ARNT: variants seen among roughly 807,000 people sequenced by gnomAD.
The protein encoded by ARNT is aryl hydrocarbon receptor nuclear translocator.
In ARNT, 30 loss-of-function variants were observed where a neutral mutation model predicts 105.0. The observed-to-expected ratio is 0.29, with a 90% CI of 0.21 to 0.39. The LOEUF (loss-of-function observed/expected upper bound fraction) is 0.39, where lower values mean the gene tolerates loss of function less well. Among genes scored for constraint, ARNT ranks in the 10% least tolerant of loss-of-function variants. ARNT has a pLI of 1.00. For synonymous variants in ARNT, 304 were observed against 344.0 expected (o/e 0.88, Z 1.29); for missense variants, 748 against 978.7 (o/e 0.76, Z 3.15).
intron 14 of ARNT, among the ~76,000 whole-genome samples, chr1:150,818,919 G>C (rs1656507181): frequency 6.6e-6 from 1 of 152,054 alleles, no homozygotes; most frequent in Non-Finnish European, 1.5e-5. Context: ...GAAGGCTGTT[G>C]TGTAATATAA....
At chr1:150,824,205 TG>T (rs1412606615) in intron 13 of ARNT, among the ~76,000 whole-genome samples, 1 of 151,328 alleles carries the variant, frequency 6.6e-6, no homozygotes, top group Non-Finnish European at 1.5e-5. Flanking sequence ...TTTAAAAAAA[TG>T]GCAAAAAATC....
intron 1 of ARNT, among the ~76,000 whole-genome samples, chr1:150,873,808 T>C (rs140594843): frequency 3.4e-4 from 51 of 152,030 alleles, no homozygotes; most frequent in African/African-American, 9.9e-4. Context: ...TAGACCCAGA[T>C]ACTCAGGAGG....
At chr1:150,821,337 C>G (rs1189289088) in intron 14 of ARNT, among the ~76,000 whole-genome samples, 1 of 152,166 alleles carries the variant, frequency 6.6e-6, no homozygotes, top group Admixed American at 6.5e-5. Flanking sequence ...AAATGTTATT[C>G]AAGGTTTCAG....
At chr1:150,876,471 C>T (rs1310729560) in intron 1 of ARNT, 72 bp downstream of exon 1, 1 of 1,542,154 alleles carries the variant, frequency 6.5e-7, no homozygotes, top group African/African-American at 1.4e-5. Context: ...TCCCCTCAGC[C>T]CTGGGTCTCC....
rs145655563 is a variant in ARNT at position 150,838,269 on chromosome 1, C to T, written c.486+1172G>A. ...CAAGTGCTTCCCAAAATCCACAACA[C>T]TACTCCCCAACTCATTTTCCATATC... On this transcript the variant is annotated intron_variant, in intron 6 of 21. Transcript: ENST00000358595. Among the ~76,000 whole-genome samples, 3 of 152,296 alleles carry T rather than the reference C, an allele frequency of 2.0e-5. No individual in the cohort carries two copies. The East Asian group carries it at 5.8e-4, about 29-fold the overall frequency.
intron 1 of ARNT, among the ~76,000 whole-genome samples, chr1:150,862,834 C>T (rs943202146): frequency 6.6e-6 from 1 of 151,440 alleles, no homozygotes; most frequent in Non-Finnish European, 1.5e-5. Context: ...AGGCAGATCA[C>T]GACATCAGGA....
chr1:150,820,967 G>A (rs1002806235), intron 14 of ARNT, among the ~76,000 whole-genome samples: 1 of 152,150 alleles, frequency 6.6e-6, no homozygotes, highest in Non-Finnish European at 1.5e-5. Flanking sequence ...ACTACTAATA[G>A]CCTACTGTTG....
At chr1:150,842,494 C>G (rs769042801) in intron 4 of ARNT, 26 bp from the exon 5 acceptor site, 15 of 1,402,366 alleles carry the variant, frequency 1.1e-5, no homozygotes, top group South Asian at 5.6e-5. Flanking sequence ...ATGAACTAAG[C>G]TAAAATTAAA....
At chr1:150,836,855 A>G (rs1660420864) in intron 6 of ARNT, among the ~76,000 whole-genome samples, 1 of 152,122 alleles carries the variant, frequency 6.6e-6, no homozygotes, top group Admixed American at 6.5e-5. Context: ...AGCCTAGGCA[A>G]TGGGGCGAAA....
At chr1:150,873,092 G>A (rs189557391) in intron 1 of ARNT, among the ~76,000 whole-genome samples, 9 of 152,026 alleles carry the variant, frequency 5.9e-5, no homozygotes, top group African/African-American at 2.2e-4. Flanking sequence ...AGACCACCCT[G>A]GCTAACAGGG....
intron 2 of ARNT, chr1:150,853,360 A>G: frequency 3.9e-6 from 1 of 255,676 alleles, no homozygotes; most frequent in Non-Finnish European, 8.1e-6. Flanking sequence ...AGTAGCAGTC[A>G]ATCTTTGCCA....
intron 1 of ARNT, 23 bp downstream of exon 1, chr1:150,876,520 G>A: frequency 6.5e-7 from 1 of 1,549,700 alleles, no homozygotes. Flanking sequence ...CTTTAGAGGC[G>A]CCCCAGTCCT....
intron 20 of ARNT, 144 bp from the exon 21 acceptor site, chr1:150,813,482 T>C (rs1252508000): frequency 1.7e-5 from 14 of 843,658 alleles, no homozygotes. Flanking sequence ...ATGCCTTTTC[T>C]ATCTCAAAAC....
chr1:150,836,514 G>C, intron 6 of ARNT, 21 bp from the exon 7 acceptor site: 1 of 1,607,504 alleles, frequency 6.2e-7, no homozygotes, highest in Admixed American at 1.7e-5. Flanking sequence ...AAAAGAAATA[G>C]AAGTTAATAT....
chr1:150,838,103 AAAATT>A (rs1315467940), intron 6 of ARNT, among the ~76,000 whole-genome samples: 2 of 152,326 alleles, frequency 1.3e-5, no homozygotes, highest in Admixed American at 6.5e-5. Context: ...CCACTGCATA[AAAATT>A]AAAATCTAAA....
At chr1:150,821,219 A>G (rs1656990326) in intron 14 of ARNT, among the ~76,000 whole-genome samples, 2 of 152,252 alleles carry the variant, frequency 1.3e-5, no homozygotes, top group Admixed American at 1.3e-4. Flanking sequence ...TGCAGACTTC[A>G]TTCTATAGTA....
At chr1:150,823,444 A>G in intron 13 of ARNT, 99 bp from the exon 14 acceptor site, 1 of 1,212,934 alleles carries the variant, frequency 8.2e-7, no homozygotes, top group South Asian at 1.9e-5. Context: ...AACTCTTGTC[A>G]TTGTCCTTGA....
intron 1 of ARNT, among the ~76,000 whole-genome samples, chr1:150,864,027 A>G (rs587634425): frequency 2.7e-4 from 41 of 152,238 alleles, no homozygotes; most frequent in African/African-American, 9.9e-4. Flanking sequence ...ACACCTAGGT[A>G]TGTAGGTGTA....
rs946821307 is a variant in ARNT, at chr1:150,823,111, C to A, written c.1394+83G>T. 12 of 1,315,048 alleles carry A rather than the reference C, an allele frequency of 9.1e-6. No homozygotes were observed. In the Middle Eastern group the frequency reaches 7.8e-4, roughly 86 times the overall value. 81.5% of individuals were successfully genotyped at this position (1,315,048 alleles called of 1,614,324 possible). On this transcript the variant is annotated intron_variant, in intron 14 of 21. Coordinates refer to ENST00000358595, the MANE Select transcript of ARNT (RefSeq NM_001668.4). Reference sequence around the variant, plus strand: ...TTTTGTGTTGTTGCTTGATTGTTTACCCCCCACATAGGGCATCAGAAGTGT... The same window carrying A: ...TTTTGTGTTGTTGCTTGATTGTTTAACCCCCACATAGGGCATCAGAAGTGT...
Sources: allele counts gnomAD v4.1 joint callset (sites outside exome capture counted in the v4.1 genomes callset), GRCh38; gene constraint gnomAD v4.1.1; transcripts MANE v1.5; gene names NCBI Gene and HGNC (gene_info 2026-07-23, HGNC 2026-07-21).